TPO: variants seen among roughly 807,000 people sequenced by gnomAD.
TPO encodes the protein thyroid peroxidase.
Under a neutral mutation model 96.9 loss-of-function variants are expected in TPO, and 78 were observed. That is an observed-to-expected ratio of 0.81 (90% CI 0.67 to 0.97). TPO has a LOEUF of 0.97. Ranked by LOEUF, TPO falls within the 50% of genes least tolerant of loss-of-function variation. The probability of loss-of-function intolerance (pLI) is 0.00; values close to 1 mark genes in which losing one functional copy is unlikely to be tolerated. For missense variants in TPO, 1,252 were observed against 1,274.8 expected (o/e 0.98, Z 0.27); for synonymous variants, 547 against 538.0 (o/e 1.02, Z -0.23).
intron 10 of TPO, among the ~76,000 whole-genome samples, chr2:1,488,775 C>A (rs903256266): frequency 6.6e-6 from 1 of 152,184 alleles, no homozygotes; most frequent in Admixed American, 6.5e-5. Context: ...TGCCCTGCCC[C>A]GTCCCTGGGC....
chr2:1,434,177 G>T (rs1034164596), intron 4 of TPO, among the ~76,000 whole-genome samples: 1 of 152,154 alleles, frequency 6.6e-6, no homozygotes, highest in African/African-American at 2.4e-5. Context: ...GCACTCTATG[G>T]GCATAAGATA....
intron 5 of TPO, among the ~76,000 whole-genome samples, chr2:1,448,960 C>T (rs552195579): frequency 3.9e-5 from 6 of 152,230 alleles, no homozygotes; most frequent in East Asian, 1.9e-4. Context: ...AGAGAACGAA[C>T]GTGGCATGGA....
chr2:1,512,283 T>C (rs987348624), intron 14 of TPO: 4 of 488,202 alleles, frequency 8.2e-6, no homozygotes, highest in Middle Eastern at 1.0e-3. Context: ...GACTCTTTTC[T>C]ATAAACGCTG....
At chr2:1,495,724 A>G (rs28991285) in intron 11 of TPO, among the ~76,000 whole-genome samples, 7,047 of 149,922 alleles carry the variant, frequency 0.047, 571 homozygotes, top group African/African-American at 0.16. Flanking sequence ...CCGGGTGCTC[A>G]GGGGTCTGGG....
intron 1 of TPO, among the ~76,000 whole-genome samples, chr2:1,378,495 A>G (rs1661756359): frequency 6.6e-6 from 1 of 152,242 alleles, no homozygotes; most frequent in African/African-American, 2.4e-5. Flanking sequence ...CACACAGCCC[A>G]TGCTTAGCGG....
chr2:1,461,013 G>A (rs947053245), intron 7 of TPO, among the ~76,000 whole-genome samples: 2 of 152,232 alleles, frequency 1.3e-5, no homozygotes, highest in Non-Finnish European at 2.9e-5. Context: ...GTCTGCGGCT[G>A]CTATTGGGGT....
At position 1,530,545 on chromosome 2, in the gene TPO, C is replaced by A. The variant is rs140153841; in HGVS notation, c.2619-10049C>A. ...CACTCTGTGCAACCCCCCCAAATCC[C>A]CCCCATTGTGGGCAACGTCACAAAA... On this transcript the variant is annotated intron_variant, in intron 15 of 16. Transcript: ENST00000329066. 6.6e-3 allele frequency among the ~76,000 whole-genome samples: 790 copies of A among 119,594 alleles called. 2 individuals carry two copies. The highest frequency in any genetic ancestry group is 0.026 in the Middle Eastern group (5 of 192). The allele number at this position is 119,594 out of a possible 152,430, so 78.5% of individuals were successfully genotyped here. A position where few individuals can be genotyped will look rare whatever the true frequency, so the allele number is the denominator to read the frequency against.
At chr2:1,407,631 C>A (rs1662266845) in intron 1 of TPO, among the ~76,000 whole-genome samples, 1 of 152,166 alleles carries the variant, frequency 6.6e-6, no homozygotes, top group Non-Finnish European at 1.5e-5. Context: ...TCATACCTCA[C>A]CAAATATCAG....
intron 8 of TPO, among the ~76,000 whole-genome samples, chr2:1,480,558 CTACA>C (rs1346149070): frequency 5.7e-5 from 2 of 35,362 alleles, no homozygotes; most frequent in Admixed American, 2.9e-4. Context: ...CTCAAACCCC[CTACA>C]CACACACACA....
At chr2:1,477,672 G>A in intron 8 of TPO, 68 bp downstream of exon 8, 2 of 1,422,232 alleles carry the variant, frequency 1.4e-6, no homozygotes, top group South Asian at 1.5e-5. Flanking sequence ...GTGTGGGTGC[G>A]CAGCATCGTG....
At chr2:1,441,386 A>AT (rs1454140961) in intron 5 of TPO, among the ~76,000 whole-genome samples, 1 of 152,184 alleles carries the variant, frequency 6.6e-6, no homozygotes, top group Non-Finnish European at 1.5e-5. Context: ...ATAAGCCCCT[A>AT]TTTTTTAACA....
chr2:1,487,048 G>A (rs541910180), intron 9 of TPO, among the ~76,000 whole-genome samples: 9 of 152,294 alleles, frequency 5.9e-5, no homozygotes, highest in South Asian at 2.1e-4. Context: ...GGGTTCACAC[G>A]CCACTGAGAT....
Position 1,542,567 on chromosome 2 carries a change from G to A in TPO, c.*93G>A, listed in dbSNP as rs1179293476. On this transcript the variant is annotated 3_prime_UTR_variant, in exon 17 of 17. Transcript: ENST00000329066. Reference sequence around the variant, plus strand: ...ACACAGGCAAATCCGAAATCAGCAGGACGACTGTTTTCCCAACACGGGTAA... The same window carrying A: ...ACACAGGCAAATCCGAAATCAGCAGAACGACTGTTTTCCCAACACGGGTAA... The A allele has an allele frequency of 1.3e-6, 2 of 1,582,212 alleles. No individual in the cohort carries two copies. The highest frequency in any genetic ancestry group is 4.6e-5 in the East Asian group (2 of 43,508).
At chr2:1,375,159 T>A (rs1388475013) in intron 1 of TPO, among the ~76,000 whole-genome samples, 1 of 152,166 alleles carries the variant, frequency 6.6e-6, no homozygotes, top group Non-Finnish European at 1.5e-5. Flanking sequence ...TTGCATTAAA[T>A]TACTTTGACC....
At position 1,470,822 on chromosome 2, in the gene TPO, G is replaced by A. The variant is rs942343914; in HGVS notation, c.820-6264G>A. Reference sequence around the variant, plus strand: ...TTTCCCAAGAATTTTAATGAGGCTTGTGGGTTCCAGCTTTACTCAATACCT... The same window carrying A: ...TTTCCCAAGAATTTTAATGAGGCTTATGGGTTCCAGCTTTACTCAATACCT... On this transcript the variant is annotated intron_variant, in intron 7 of 16. Transcript: ENST00000329066. Among the ~76,000 whole-genome samples, 6 of 152,202 alleles carry A rather than the reference G, an allele frequency of 3.9e-5. No homozygotes were observed. The South Asian group carries it at 1.2e-3, about 32-fold the overall frequency.
chr2:1,523,699 TCCC>T (rs1320446519), intron 15 of TPO, among the ~76,000 whole-genome samples: 1 of 51,724 alleles, frequency 1.9e-5, no homozygotes, highest in Admixed American at 3.0e-4. Flanking sequence ...CCTCCCCAAA[TCCC>T]CCCCACTGTG....
At chr2:1,447,862 CT>C in intron 5 of TPO, among the ~76,000 whole-genome samples, 1 of 152,296 alleles carries the variant, frequency 6.6e-6, no homozygotes, top group South Asian at 2.1e-4. Context: ...CTGCTAGACT[CT>C]TACCATTATG....
intron 2 of TPO, among the ~76,000 whole-genome samples, chr2:1,419,204 C>A (rs143579705): frequency 6.6e-6 from 1 of 152,146 alleles, no homozygotes; most frequent in Non-Finnish European, 1.5e-5. Context: ...GAGCAGCGGG[C>A]GGCTTCTCCA....
intron 10 of TPO, among the ~76,000 whole-genome samples, chr2:1,492,607 C>G (rs1280136335): frequency 6.6e-6 from 1 of 152,196 alleles, no homozygotes; most frequent in Admixed American, 6.5e-5. Context: ...TGGAGGATGC[C>G]TGGCTATTTC....
Sources: gnomAD v4.1 joint callset for allele counts (sites outside exome capture counted in the v4.1 genomes callset) on GRCh38, gnomAD v4.1.1 for gene constraint, MANE v1.5 for transcripts, NCBI Gene and HGNC (gene_info 2026-07-23, HGNC 2026-07-21) for gene names.